The following ADCY5 variants were observed in gnomAD, a reference collection of about 807,000 sequenced individuals.
ADCY5 encodes the protein adenylate cyclase 5.
A neutral mutation model predicts 119.7 loss-of-function variants in ADCY5; 30 were observed. The ratio of observed to expected loss-of-function variants is 0.25; its 90% CI spans 0.19 to 0.34. The LOEUF is 0.34. ADCY5 is among the 10% of genes least tolerant of loss of function. The pLI, the probability that ADCY5 is intolerant of heterozygous loss-of-function variation, is 1.00. For missense variants in ADCY5, 1,324 were observed against 1,775.2 expected (o/e 0.75, Z 4.57); for synonymous variants, 753 against 762.2 (o/e 0.99, Z 0.20).
chr3:123,381,870 A>G (rs1944043771), intron 1 of ADCY5, among the ~76,000 whole-genome samples: 1 of 152,196 alleles, frequency 6.6e-6, no homozygotes, highest in Non-Finnish European at 1.5e-5. Flanking sequence ...AAGCAACCAG[A>G]GGATCCTTAA....
chr3:123,373,555 C>T (rs575872726), intron 1 of ADCY5, among the ~76,000 whole-genome samples: 4 of 152,338 alleles, frequency 2.6e-5, no homozygotes, highest in South Asian at 2.1e-4. Flanking sequence ...CCCTGAAGGA[C>T]GCTGGGGAGT....
At chr3:123,407,234 G>A (rs1371603359) in intron 1 of ADCY5, among the ~76,000 whole-genome samples, 1 of 151,828 alleles carries the variant, frequency 6.6e-6, no homozygotes, top group Non-Finnish European at 1.5e-5. Flanking sequence ...CTCCCCACAG[G>A]CCATGCCATC....
intron 1 of ADCY5, among the ~76,000 whole-genome samples, chr3:123,358,195 T>TGTGTGTG (rs58986112): frequency 2.0e-5 from 3 of 149,076 alleles, no homozygotes; most frequent in African/African-American, 7.5e-5. Context: ...TGTGTGTGTG[T>TGTGTGTG]AGGGAGTTGG....
chr3:123,442,736 G>T (rs538063549), intron 1 of ADCY5, among the ~76,000 whole-genome samples: 7 of 152,240 alleles, frequency 4.6e-5, no homozygotes, highest in Non-Finnish European at 8.8e-5. Context: ...CTCCCCCAGG[G>T]ATCAAGGCAC....
intron 4 of ADCY5, among the ~76,000 whole-genome samples, chr3:123,331,423 C>A (rs530759279): frequency 6.6e-6 from 1 of 152,226 alleles, no homozygotes; most frequent in Non-Finnish European, 1.5e-5. Flanking sequence ...CACTCTGATT[C>A]GTTGCTTGAG....
intron 1 of ADCY5, among the ~76,000 whole-genome samples, chr3:123,418,231 T>G (rs1188266885): frequency 6.6e-6 from 1 of 152,190 alleles, no homozygotes; most frequent in East Asian, 1.9e-4. Context: ...TTGACTAGGC[T>G]AAGGGATGCC....
intron 18 of ADCY5, 47 bp from the exon 19 acceptor site, chr3:123,290,001 G>A (rs753348136): frequency 1.1e-5 from 17 of 1,588,044 alleles, no homozygotes; most frequent in Middle Eastern, 1.7e-4. Flanking sequence ...CTGGGACACC[G>A]AGGGCCACAG....
chr3:123,342,453 G>C (rs924850480), intron 3 of ADCY5, among the ~76,000 whole-genome samples: 1 of 152,154 alleles, frequency 6.6e-6, no homozygotes, highest in Non-Finnish European at 1.5e-5. Flanking sequence ...TGTGTGGGGA[G>C]CGGGGCTGAC....
Position 123,303,857 on chromosome 3 carries a change from AG to A in ADCY5, c.2559+209del, listed in dbSNP as rs1220569673. On this transcript the variant is annotated intron_variant, in intron 13 of 20. Transcript: ENST00000462833. ...GAAAGAAAAGAGAAGAGAAGAGAAG[AG>A]AAGAGAAGAGAAGAGAAGAGAAGAG... Among the ~76,000 whole-genome samples the A allele has an allele frequency of 9.5e-3, 1,160 of 122,370 alleles. 20 individuals carry two copies. Among genetic ancestry groups the A allele is most frequent in the African/African-American group, 0.039 (1,062 of 27,488 alleles). 80.3% of individuals were successfully genotyped at this position (122,370 alleles called of 152,430 possible).
In ADCY5 at chr3:123,325,389, C is replaced by T. The variant is rs868734840; in HGVS notation, c.2021G>A (p.Trp674Ter). The T allele has an allele frequency of 6.2e-7, 1 of 1,614,156 alleles. No individual in the cohort carries two copies. The highest frequency in any genetic ancestry group is 1.1e-5 in the South Asian group (1 of 91,086). ...GTTGTAGAAGGGGCGCTCAGCCCCC[C>T]AGTGTGGTGGGTTGTGCCCGATGGA... is the stretch of plus-strand genomic sequence containing the variant. ...TNSIGHNPPHWGAERPFYNHL... is the reference protein window; with the variant it reads ...TNSIGHNPPH The change falls in exon 8 of 21, where the codon TGG becomes TAG. Residue 674 changes from tryptophan to a stop codon, truncating the protein, a stop_gained. Transcript: ENST00000462833. LOFTEE classifies it high-confidence loss of function.
At chr3:123,303,332 T>C (rs761740221) in intron 13 of ADCY5, 113 bp from the exon 14 acceptor site, 2 of 1,171,036 alleles carry the variant, frequency 1.7e-6, no homozygotes, top group Non-Finnish European at 2.4e-6. Flanking sequence ...AGGTGCAGCA[T>C]GACACTGATG....
At chr3:123,426,610 C>A (rs1043459596) in intron 1 of ADCY5, among the ~76,000 whole-genome samples, 1 of 152,082 alleles carries the variant, frequency 6.6e-6, no homozygotes, top group African/African-American at 2.4e-5. Context: ...GGATTACGGG[C>A]GTGAGCCACT....
At chr3:123,335,360 G>T (rs1365298526) in intron 3 of ADCY5, among the ~76,000 whole-genome samples, 3 of 152,120 alleles carry the variant, frequency 2.0e-5, no homozygotes, top group African/African-American at 7.2e-5. Flanking sequence ...CGATCTGTTG[G>T]CCTCACCATC....
intron 1 of ADCY5, among the ~76,000 whole-genome samples, chr3:123,423,486 TCA>T (rs1945342862): frequency 6.6e-6 from 1 of 152,162 alleles, no homozygotes; most frequent in South Asian, 2.1e-4. Context: ...CTTCTGCATC[TCA>T]CAGCCAGAAA....
At chr3:123,329,051 C>A (rs945382846) in intron 5 of ADCY5, among the ~76,000 whole-genome samples, 1 of 152,198 alleles carries the variant, frequency 6.6e-6, no homozygotes, top group African/African-American at 2.4e-5. Context: ...AAACCTAGAG[C>A]CCTGCTGCTT....
rs139268363 is a variant in ADCY5 at position 123,316,512 on chromosome 3, G to A, written c.2354+1508C>T. Among the ~76,000 whole-genome samples the A allele has an allele frequency of 2.7e-3, 416 of 152,330 alleles. 4 individuals carry two copies. Among genetic ancestry groups the A allele is most frequent in the African/African-American group, 9.5e-3 (393 of 41,566 alleles). On this transcript the variant is annotated intron_variant, in intron 11 of 20. Transcript: ENST00000462833. The stretch of plus-strand genomic sequence containing the variant: ...GTTACGGAAGTTGTCAACATTCGGG[G>A]AAACTGGATGCAGGATGCACAGAAT...
intron 1 of ADCY5, among the ~76,000 whole-genome samples, chr3:123,442,098 C>T (rs1945733949): frequency 6.6e-6 from 1 of 152,008 alleles, no homozygotes; most frequent in Non-Finnish European, 1.5e-5. Context: ...ATGGATGAGA[C>T]AAGGATGCTA....
intron 1 of ADCY5, among the ~76,000 whole-genome samples, chr3:123,354,059 C>T (rs1358534861): frequency 6.6e-6 from 1 of 152,184 alleles, no homozygotes; most frequent in Non-Finnish European, 1.5e-5. Context: ...CTGTTGCTGA[C>T]TCATAACTCC....
intron 3 of ADCY5, among the ~76,000 whole-genome samples, chr3:123,340,527 TC>T (rs1942229486): frequency 6.6e-6 from 1 of 152,144 alleles, no homozygotes. Context: ...GGTCAGCGCC[TC>T]TTTGCTCTGT....
Sources: allele counts gnomAD v4.1 joint callset (sites outside exome capture counted in the v4.1 genomes callset), GRCh38; gene constraint gnomAD v4.1.1; transcripts MANE v1.5; gene names NCBI Gene and HGNC (gene_info 2026-07-23, HGNC 2026-07-21).